SLC8A1: variants seen among roughly 807,000 people sequenced by gnomAD.
SLC8A1 encodes sodium/calcium exchanger 1.
A neutral mutation model predicts 68.3 loss-of-function variants in SLC8A1; 18 were observed. The ratio of observed to expected loss-of-function variants is 0.26; its 90% CI spans 0.18 to 0.39. The LOEUF (loss-of-function observed/expected upper bound fraction) is 0.39. Ranked by LOEUF, SLC8A1 falls within the 10% of genes least tolerant of loss-of-function variation. The probability of loss-of-function intolerance (pLI) is 1.00; values close to 1 mark genes in which losing one functional copy is unlikely to be tolerated. For synonymous variants in SLC8A1, 475 were observed against 415.5 expected (o/e 1.14, Z -1.74); for missense variants, 985 against 1,156.7 (o/e 0.85, Z 2.15).
intron 1 of SLC8A1, among the ~76,000 whole-genome samples, chr2:40,450,605 C>G (rs574272421): frequency 6.6e-6 from 1 of 152,300 alleles, no homozygotes; most frequent in East Asian, 1.9e-4. Flanking sequence ...TTCACCACAT[C>G]TGTCATTTTT....
exon 8 of SLC8A1, chr2:40,099,606 A>C (rs1382534590): frequency 6.6e-6 from 1 of 152,084 alleles, no homozygotes; most frequent in Non-Finnish European, 1.5e-5. Context: ...CTGTGAATAC[A>C]GAATATGAAT....
At chr2:40,419,127 T>C (rs1169076950) in intron 2 of SLC8A1, among the ~76,000 whole-genome samples, 4 of 152,214 alleles carry the variant, frequency 2.6e-5, no homozygotes, top group Non-Finnish European at 5.9e-5. Flanking sequence ...GGTACCAGTG[T>C]TGTCACAGCA....
intron 2 of SLC8A1, among the ~76,000 whole-genome samples, chr2:40,233,620 T>G (rs1397582315): frequency 7.2e-6 from 1 of 139,008 alleles, no homozygotes; most frequent in South Asian, 2.3e-4. Context: ...ATTTGTCAAT[T>G]TTGGCTTTTG....
intron 2 of SLC8A1, among the ~76,000 whole-genome samples, chr2:40,375,511 A>G (rs1575818658): frequency 6.6e-6 from 1 of 152,236 alleles, no homozygotes; most frequent in Non-Finnish European, 1.5e-5. Context: ...CCTTTTCAAC[A>G]TGGTATCAAA....
At chr2:40,221,010 T>A (rs11891508) in intron 2 of SLC8A1, among the ~76,000 whole-genome samples, 9 of 151,998 alleles carry the variant, frequency 5.9e-5, no homozygotes, top group Non-Finnish European at 2.9e-5. Context: ...GAGGGACTTC[T>A]CCCTAACTCA....
chr2:40,464,137 C>G (rs1703520460), intron 1 of SLC8A1, among the ~76,000 whole-genome samples: 1 of 152,044 alleles, frequency 6.6e-6, no homozygotes, highest in African/African-American at 2.4e-5. Flanking sequence ...TCAGGTGATC[C>G]ATTCACCTCG....
chr2:40,374,845 T>G (rs1334665125), intron 2 of SLC8A1, among the ~76,000 whole-genome samples: 1 of 152,026 alleles, frequency 6.6e-6, no homozygotes, highest in Non-Finnish European at 1.5e-5. Flanking sequence ...GTTTAAGGAC[T>G]TTTTTTAAGA....
chr2:40,115,700 A>C, intron 7 of SLC8A1, 71 bp from the exon 11 acceptor site: 1 of 1,540,744 alleles, frequency 6.5e-7, no homozygotes, highest in African/African-American at 1.4e-5. Flanking sequence ...TGCAAGCTTC[A>C]GCTGTGTACT....
At chr2:40,445,303 G>T (rs547972141) in intron 1 of SLC8A1, among the ~76,000 whole-genome samples, 83 of 152,216 alleles carry the variant, frequency 5.5e-4, no homozygotes, top group South Asian at 2.9e-3. Context: ...AGGACCCTAG[G>T]TTGGTTCATT....
intron 2 of SLC8A1, among the ~76,000 whole-genome samples, chr2:40,327,257 T>C (rs544665338): frequency 3.3e-5 from 5 of 152,218 alleles, no homozygotes; most frequent in East Asian, 3.8e-4. Context: ...CATGATTCCA[T>C]TGAATGACAT....
intron 1 of SLC8A1, among the ~76,000 whole-genome samples, chr2:40,474,908 TG>T (rs1704188018): frequency 6.6e-6 from 1 of 152,172 alleles, no homozygotes; most frequent in Non-Finnish European, 1.5e-5. Context: ...TAAAAACTTT[TG>T]CTGAAAGAAT....
intron 2 of SLC8A1, among the ~76,000 whole-genome samples, chr2:40,186,971 T>C (rs2050810678): frequency 6.6e-6 from 1 of 152,234 alleles, no homozygotes; most frequent in Non-Finnish European, 1.5e-5. Context: ...TGTTAGGTAC[T>C]ATTATTCTTA....
chr2:40,316,455 A>G (rs992686043), intron 2 of SLC8A1, among the ~76,000 whole-genome samples: 4 of 152,064 alleles, frequency 2.6e-5, no homozygotes, highest in Non-Finnish European at 5.9e-5. Context: ...ATTTGGTTAA[A>G]TATTTGATAG....
rs143534501 is a variant in SLC8A1 at position 40,300,006 on chromosome 2, T to C, written c.1809-122151A>G. 3.4e-3 allele frequency among the ~76,000 whole-genome samples: 512 copies of C among 152,226 alleles called. 2 individuals are homozygous for C. The Middle Eastern group carries it at 0.034, about 10-fold the overall frequency. ...AAAGGAATTGCGCATACAGCACCAA[T>C]ACTTCCAAAGTATTTAGACCTTCAG... On this transcript the variant is annotated intron_variant, in intron 2 of 7. Coordinates refer to ENST00000406785, the Ensembl canonical transcript of SLC8A1.
intron 2 of SLC8A1, among the ~76,000 whole-genome samples, chr2:40,180,987 C>G (rs2049423105): frequency 6.6e-6 from 1 of 151,732 alleles, no homozygotes; most frequent in African/African-American, 2.4e-5. Flanking sequence ...GAGATGGAGT[C>G]TCACTCTTAT....
chr2:40,460,242 T>C (rs1703262801), intron 1 of SLC8A1, among the ~76,000 whole-genome samples: 1 of 152,134 alleles, frequency 6.6e-6, no homozygotes, highest in Non-Finnish European at 1.5e-5. Context: ...AAAAGAAAAA[T>C]AAAAATCTCT....
chr2:40,136,921 A>G (rs147504281), intron 7 of SLC8A1, among the ~76,000 whole-genome samples: 1 of 152,336 alleles, frequency 6.6e-6, no homozygotes, highest in East Asian at 1.9e-4. Context: ...GCAGCAAATT[A>G]TGGAATTCTC....
chr2:40,463,503 T>G (rs1368028449), intron 1 of SLC8A1, among the ~76,000 whole-genome samples: 2 of 152,296 alleles, frequency 1.3e-5, no homozygotes, highest in Admixed American at 6.5e-5. Context: ...TTTTCTGCCC[T>G]TTTTCACTTC....
At chr2:40,300,598 C>A (rs770502847) in intron 2 of SLC8A1, among the ~76,000 whole-genome samples, 1 of 152,128 alleles carries the variant, frequency 6.6e-6, no homozygotes, top group Non-Finnish European at 1.5e-5. Flanking sequence ...CCCAGGAATT[C>A]TCCACAGTTC....
Sources: allele counts gnomAD v4.1 joint callset (sites outside exome capture counted in the v4.1 genomes callset), GRCh38; gene constraint gnomAD v4.1.1; transcripts MANE v1.5; gene names NCBI Gene and HGNC (gene_info 2026-07-23, HGNC 2026-07-21).